The following DMD variants were observed in gnomAD, a reference collection of about 807,000 sequenced individuals.
DMD encodes dystrophin.
In DMD, 63 loss-of-function variants were observed where a neutral mutation model predicts 330.1. The ratio of observed to expected loss-of-function variants is 0.19; its 90% CI spans 0.16 to 0.24. The LOEUF (loss-of-function observed/expected upper bound fraction) is 0.24. Ranked by LOEUF, DMD falls within the 10% of genes least tolerant of loss-of-function variation. DMD has a pLI of 1.00. For synonymous variants in DMD, 1,223 were observed against 959.8 expected, an observed-to-expected ratio of 1.27 and a Z score of -5.07; for missense variants, 3,344 against 2,684.1, an observed-to-expected ratio of 1.25 and a Z score of -5.43.
intron 52 of DMD, among the ~76,000 whole-genome samples, chrX:31,695,524 C>T (rs760532295): frequency 9.1e-6 from 1 of 109,674 alleles, no homozygotes. Flanking sequence ...ATCAAAACAC[C>T]TCATGTACCC....
chrX:31,448,011 CAAA>C (rs1198070119), intron 59 of DMD, among the ~76,000 whole-genome samples: 1 of 35,302 alleles, frequency 2.8e-5, no homozygotes. Context: ...ACTCTGTCTC[CAAA>C]AAAAAAAAAA....
intron 48 of DMD, among the ~76,000 whole-genome samples, chrX:31,873,270 G>A (rs921834059): frequency 1.8e-5 from 2 of 111,731 alleles, no homozygotes. Context: ...ATCTGCTCTT[G>A]AGGAGTAGCT....
At chrX:32,428,584 G>A (rs56787928) in intron 29 of DMD, among the ~76,000 whole-genome samples, 19,485 of 110,930 alleles carry the variant, frequency 0.18, 1,518 homozygotes, top group African/African-American at 0.28. Context: ...TGCTTTACGT[G>A]TTTTAAAGGT....
At chrX:32,928,775 A>G (rs370518806) in intron 2 of DMD, among the ~76,000 whole-genome samples, 4 of 112,156 alleles carry the variant, frequency 3.6e-5, no homozygotes, top group African/African-American at 1.3e-4. Context: ...GTTAACTTAC[A>G]TGGGGTTGGG....
rs1011279269 is a variant in DMD, at chrX:31,498,302, C to T, written c.8391-1358G>A. 8.0e-5 allele frequency among the ~76,000 whole-genome samples: 9 copies of T among 111,868 alleles called. No individual in the cohort carries two copies. In the East Asian group the frequency reaches 1.9e-3, roughly 24 times the overall value. On this transcript the variant is annotated intron_variant, in intron 56 of 78. Transcript: ENST00000357033. ...GAATTGCTTGAGAAATGCAAAACCC[C>T]AACCTACTGATTGTTTTCAAATGTA...
At chrX:31,187,372 A>G (rs918017692) in intron 67 of DMD, among the ~76,000 whole-genome samples, 1 of 111,863 alleles carries the variant, frequency 8.9e-6, no homozygotes, top group Non-Finnish European at 1.9e-5. Context: ...TTCATATGAC[A>G]CGGCTTAGTT....
chrX:32,872,153 A>G (rs1192978357), intron 2 of DMD, among the ~76,000 whole-genome samples: 1 of 111,549 alleles, frequency 9.0e-6, no homozygotes, highest in African/African-American at 3.3e-5. Flanking sequence ...TAGGCTTGTC[A>G]TCCCCGATTT....
intron 62 of DMD, among the ~76,000 whole-genome samples, chrX:31,291,997 T>C (rs1428787886): frequency 1.8e-5 from 2 of 111,309 alleles, no homozygotes; most frequent in Non-Finnish European, 3.8e-5. Flanking sequence ...ATGGAAAAGT[T>C]AAAAAATAGT....
chrX:32,418,734 A>T (rs1000297163), intron 29 of DMD, among the ~76,000 whole-genome samples: 1 of 110,476 alleles, frequency 9.1e-6, no homozygotes, highest in African/African-American at 3.3e-5. Context: ...AACCGGCAAG[A>T]TGACAGCCTT....
intron 7 of DMD, among the ~76,000 whole-genome samples, chrX:32,765,399 T>C (rs938662884): frequency 4.5e-5 from 5 of 110,923 alleles, no homozygotes; most frequent in African/African-American, 1.6e-4. Flanking sequence ...CCATATGACC[T>C]GCCAGGTCAC....
At chrX:31,391,589 T>C (rs959233701) in intron 60 of DMD, among the ~76,000 whole-genome samples, 5 of 110,595 alleles carry the variant, frequency 4.5e-5, no homozygotes, top group African/African-American at 1.3e-4. Context: ...AGGCTACACA[T>C]TGGCTGGGTG....
At chrX:32,692,407 G>A (rs2147494175) in intron 9 of DMD, among the ~76,000 whole-genome samples, 1 of 111,509 alleles carries the variant, frequency 9.0e-6, no homozygotes, top group African/African-American at 3.3e-5. Context: ...AATCTAAGGA[G>A]TGGTCTCCCT....
intron 62 of DMD, chrX:31,266,994 G>C (rs1291668585): frequency 9.0e-6 from 7 of 778,837 alleles, no homozygotes; most frequent in South Asian, 2.9e-5. Context: ...GGGGCGCTGC[G>C]GGCAGACGGG....
chrX:32,638,829 C>T (rs1421625042), intron 11 of DMD, among the ~76,000 whole-genome samples: 2 of 111,301 alleles, frequency 1.8e-5, no homozygotes, highest in Admixed American at 9.6e-5. Flanking sequence ...ATTTGTTCAG[C>T]ACCTCCTTTT....
At chrX:32,303,343 T>C (rs770122021) in intron 42 of DMD, among the ~76,000 whole-genome samples, 1 of 111,114 alleles carries the variant, frequency 9.0e-6, no homozygotes, top group South Asian at 3.8e-4. Flanking sequence ...CTTTAAGTGC[T>C]AGGTGCTGTT....
At chrX:32,810,441 T>G (rs1419410825) in intron 6 of DMD, among the ~76,000 whole-genome samples, 2 of 111,525 alleles carry the variant, frequency 1.8e-5, no homozygotes, top group Non-Finnish European at 3.8e-5. Flanking sequence ...CTGATGTTTA[T>G]CCTCATCATA....
intron 7 of DMD, among the ~76,000 whole-genome samples, chrX:32,793,406 A>G (rs1192072635): frequency 9.0e-6 from 1 of 111,288 alleles, no homozygotes; most frequent in African/African-American, 3.3e-5. Flanking sequence ...AACCAAACCC[A>G]GAATTAGTAG....
At chrX:32,524,680 C>T (rs746892972) in intron 17 of DMD, among the ~76,000 whole-genome samples, 1 of 112,190 alleles carries the variant, frequency 8.9e-6, no homozygotes, top group South Asian at 3.7e-4. Context: ...TTAAGGGAGG[C>T]CTGGACACCA....
chrX:32,908,003 G>A (rs2086872259), intron 2 of DMD, among the ~76,000 whole-genome samples: 1 of 111,049 alleles, frequency 9.0e-6, no homozygotes, highest in Admixed American at 9.6e-5. Flanking sequence ...ACCTACCTCA[G>A]CCCAAATCCC....
Sources: allele counts gnomAD v4.1 joint callset (sites outside exome capture counted in the v4.1 genomes callset), GRCh38; gene constraint gnomAD v4.1.1; transcripts MANE v1.5; gene names NCBI Gene and HGNC (gene_info 2026-07-23, HGNC 2026-07-21).